The following ACIN1 variants were observed in gnomAD, a reference collection of about 807,000 sequenced individuals.
The protein encoded by ACIN1 is apoptotic chromatin condensation inducer in the nucleus.
In ACIN1, 16 loss-of-function variants were observed where a neutral mutation model predicts 146.6. The observed-to-expected ratio is 0.11, with a 90% CI of 0.07 to 0.17. ACIN1 has a LOEUF of 0.17. ACIN1 is among the 10% of genes least tolerant of loss of function. ACIN1 has a pLI of 1.00. For missense variants in ACIN1, 1,357 were observed against 1,609.3 expected, an observed-to-expected ratio of 0.84 and a Z score of 2.68; for synonymous variants, 569 against 582.7, an observed-to-expected ratio of 0.98 and a Z score of 0.34.
At chr14:23,062,066 C>A in intron 16 of ACIN1, 102 bp downstream of exon 16, 2 of 903,834 alleles carry the variant, frequency 2.2e-6, no homozygotes, top group South Asian at 2.9e-5. Flanking sequence ...GAGAAAAGAA[C>A]AGAAGCTCAG....
At position 23,067,802 on chromosome 14, in the gene ACIN1, C is replaced by G. The variant is rs1236939068; in HGVS notation, c.2265+1674G>C. 1 of 985,792 alleles carries G rather than the reference C, an allele frequency of 1.0e-6. No homozygotes were observed. The highest frequency in any genetic ancestry group is 1.2e-6 in the Non-Finnish European group (1 of 829,990). The allele number at this position is 985,792 out of a possible 1,614,324, so 61.1% of individuals were successfully genotyped here. The stretch of plus-strand genomic sequence containing the variant: ...GACTCCAGAGTCCCTTTCTCCTCTG[C>G]CTGTAACTGGGGAGGGGGTCCTCTC... On this transcript the variant is annotated intron_variant, in intron 9 of 18. Transcript: ENST00000605057. This position sits in a 1 kb window ranked among gnomAD's most constrained non-coding sequence, Gnocchi z 4.6.
intron 8 of ACIN1, chr14:23,071,637 G>A (rs1231554613): frequency 5.2e-6 from 6 of 1,164,398 alleles, no homozygotes; most frequent in Non-Finnish European, 7.2e-6. Context: ...AAGAGGGAGG[G>A]AGCTGAGTGA....
Position 23,065,949 on chromosome 14 carries a change from T to TC in ACIN1, c.2308+16_2308+17insG. 6.2e-7 allele frequency: 1 copy of TC among 1,611,664 alleles called. No individual in the cohort carries two copies. The highest frequency in any genetic ancestry group is 1.7e-4 in the Middle Eastern group (1 of 6,052). ...TGGTATTCCTGACTTTTATCAGGGATTTGGGGCTGGACTTACAGACAACGG... is the reference window on the plus strand; with the variant it reads ...TGGTATTCCTGACTTTTATCAGGGATCTTGGGGCTGGACTTACAGACAACGG... On this transcript the variant is annotated intron_variant, in intron 10 of 18. Transcript: ENST00000605057.
At chr14:23,060,263 C>T (rs1424348687) in intron 18 of ACIN1, among the ~76,000 whole-genome samples, 2 of 151,982 alleles carry the variant, frequency 1.3e-5, no homozygotes, top group African/African-American at 4.8e-5. Flanking sequence ...GCCACCATGC[C>T]TAGCCACCAA....
rs746609029 is a variant in ACIN1 at position 23,063,505 on chromosome 14, G to T, written c.2668C>A (p.Pro890Thr). 3 of 1,614,072 alleles carry T rather than the reference G, an allele frequency of 1.9e-6. No homozygotes were observed. In the African/African-American group the frequency reaches 4.0e-5, roughly 22 times the overall value. The change falls in exon 13 of 19, where the codon CCT (proline) becomes ACT (threonine). Residue 890 changes from proline to threonine, a missense_variant. Transcript: ENST00000605057. ...EEEEKEPEAEPPVPPQVSVEV... is the reference protein window; with the variant it reads ...EEEEKEPEAETPVPPQVSVEV... Reference sequence around the variant, plus strand: ...ACTGACACCTGGGGAGGTACAGGAGGTTCTGCTTCAGGTTCCTTCTCTTCT... The same window carrying T: ...ACTGACACCTGGGGAGGTACAGGAGTTTCTGCTTCAGGTTCCTTCTCTTCT...
At chr14:23,089,400 C>T (rs1273340346) in intron 4 of ACIN1, among the ~76,000 whole-genome samples, 1 of 152,132 alleles carries the variant, frequency 6.6e-6, no homozygotes, top group Non-Finnish European at 1.5e-5. Flanking sequence ...ATTAATCTTG[C>T]CTGAACCAAT....
In ACIN1 at chr14:23,059,361, C is replaced by T. The variant is rs770586050; in HGVS notation, c.3639G>A (p.Arg1213=). 1 of 1,612,790 alleles carries T rather than the reference C, an allele frequency of 6.2e-7. No homozygotes were observed. Among genetic ancestry groups the T allele is most frequent in the Non-Finnish European group, 8.5e-7 (1 of 1,178,858 alleles). Reference sequence around the variant, plus strand: ...GTTTCTCTCGCTCCAGCTGTCGGTTCCGTTCCCGCTCGGCTTCCTTCTCCC... The same window carrying T: ...GTTTCTCTCGCTCCAGCTGTCGGTTTCGTTCCCGCTCGGCTTCCTTCTCCC... ...KEREKEAERE[R]NRQLEREKRR... is the part of the protein sequence containing the mutation. Residue 1213 remains arginine, a synonymous_variant, in exon 19 of 19, where the codon CGG becomes CGA. Coordinates refer to ENST00000605057, the MANE Select transcript of ACIN1 (RefSeq NM_001386863.1).
chr14:23,095,603 T>A (rs2048357749), upstream of ACIN1: 1 of 355,182 alleles, frequency 2.8e-6, no homozygotes, highest in Non-Finnish European at 5.2e-6. Context: ...CGGGTGCCCT[T>A]CGAGAGAAAA....
In ACIN1 at chr14:23,067,511, G is replaced by GGGGGGGGGGCA; in HGVS notation, c.2266-1504_2266-1503insTGCCCCCCCCC. 1 of 221,640 alleles carries GGGGGGGGGGCA rather than the reference G, an allele frequency of 4.5e-6. No individual in the cohort carries two copies. Among genetic ancestry groups the GGGGGGGGGGCA allele is most frequent in the Non-Finnish European group, 7.3e-6 (1 of 137,180 alleles). The allele number at this position is 221,640 out of a possible 1,614,324, so 13.7% of individuals were successfully genotyped here. On this transcript the variant is annotated intron_variant, in intron 9 of 18. Transcript: ENST00000605057. This position sits in a 1 kb window ranked among gnomAD's most constrained non-coding sequence, Gnocchi z 4.6. ...CCAGGGGCGCAGGGGGGGCGGGAGG[G>GGGGGGGGGGCA]AAACGTGTGGGGGGACGCTGCCCAG...
At chr14:23,083,773 T>C (rs1468362832) in intron 4 of ACIN1, among the ~76,000 whole-genome samples, 2 of 152,166 alleles carry the variant, frequency 1.3e-5, no homozygotes, top group Non-Finnish European at 2.9e-5. Context: ...AATACTAACA[T>C]CAATGAGAAC....
intron 8 of ACIN1, among the ~76,000 whole-genome samples, chr14:23,072,240 G>C (rs139755034): frequency 6.6e-6 from 1 of 152,316 alleles, no homozygotes; most frequent in Non-Finnish European, 1.5e-5. Flanking sequence ...GGCAGGGTTG[G>C]TGTCTCTGAA....
chr14:23,080,092 A>T lies in ACIN1; in HGVS notation c.1243T>A (p.Leu415Met). 4 of 1,614,112 alleles carry T rather than the reference A, an allele frequency of 2.5e-6. No homozygotes were observed. The highest frequency in any genetic ancestry group is 2.5e-6 in the Non-Finnish European group (3 of 1,180,000). ...GACAAAGGAGACAGGCCTCCTACCA[A>T]CTGGACAGTATGCTGAGATACTAAT... ...ELLVSQHTVQ[L>M]VGGLSPLSSP... The change falls in exon 6 of 19, where the codon TTG (leucine) becomes ATG (methionine). Residue 415 changes from leucine (L) to methionine (M), a missense_variant. By Grantham distance (15) the Leu-to-Met change is conservative (BLOSUM62 2). Around this residue, in one of 4 missense-constraint regions of ACIN1, gnomAD observed 771 missense variants for 746.6 expected, o/e 1.03. Transcript: ENST00000605057.
intron 4 of ACIN1, among the ~76,000 whole-genome samples, chr14:23,084,966 T>G (rs2048049954): frequency 6.6e-6 from 1 of 152,162 alleles, no homozygotes; most frequent in African/African-American, 2.4e-5. Flanking sequence ...GCAAAGTTCC[T>G]TCACAAGTAT....
At chr14:23,062,741 C>A in intron 14 of ACIN1, 188 bp downstream of exon 14, 1 of 844,942 alleles carries the variant, frequency 1.2e-6, no homozygotes, top group South Asian at 1.8e-5. Flanking sequence ...TCAAAACAAC[C>A]CTGCAGGGCA....
At position 23,088,319 on chromosome 14, in the gene ACIN1, A is replaced by G. The variant is rs748123539; in HGVS notation, c.436+1663T>C. Among the ~76,000 whole-genome samples the G allele has an allele frequency of 2.4e-4, 36 of 152,206 alleles. 1 individual carries two copies. Among genetic ancestry groups the G allele is most frequent in the Non-Finnish European group, 8.8e-5 (6 of 68,034 alleles). ...GAGAAAAGAGGTCCCTAAGGAACTT[A>G]ATAATTCCAAAGTATTGGCCAGTAT... is the stretch of plus-strand genomic sequence containing the variant. On this transcript the variant is annotated intron_variant, in intron 4 of 18. Coordinates refer to ENST00000605057, the MANE Select transcript of ACIN1 (RefSeq NM_001386863.1).
intron 7 of ACIN1, 108 bp from the exon 8 acceptor site, chr14:23,078,374 G>T: frequency 3.8e-6 from 3 of 785,592 alleles, no homozygotes; most frequent in Non-Finnish European, 6.2e-6. Context: ...CACAGTACCA[G>T]CTCCACACAC....
At chr14:23,093,637 G>C (rs1208457548) in intron 1 of ACIN1, 93 bp from the exon 2 acceptor site, 2 of 1,029,088 alleles carry the variant, frequency 1.9e-6, no homozygotes, top group East Asian at 2.5e-5. Context: ...TAAACGCAAT[G>C]ACTTAAATAC....
Position 23,080,671 on chromosome 14 carries a change from C to T in ACIN1, c.664G>A (p.Glu222Lys), listed in dbSNP as rs772585883. The change falls in exon 6 of 19, where the codon GAA becomes AAA. Residue 222 changes from glutamate (E) to lysine (K), a missense_variant. Physicochemically the swap from Glu to Lys is moderately conservative, Grantham distance 56. Coordinates refer to ENST00000605057, the MANE Select transcript of ACIN1 (RefSeq NM_001386863.1). ...EEEEEEEEEE[E>K]EDDEEEEGDD... is the part of the protein sequence containing the mutation. ...CCTTCCTCTTCTTCATCATCTTCTTCCTCCTCCTCCTCCTCCTCTTCTTCC... is the reference window on the plus strand; with the variant it reads ...CCTTCCTCTTCTTCATCATCTTCTTTCTCCTCCTCCTCCTCCTCTTCTTCC... 7.1e-7 allele frequency: 1 copy of T among 1,410,750 alleles called. No homozygotes were observed. The allele number at this position is 1,410,750 out of a possible 1,614,324, so 87.4% of individuals were successfully genotyped here. A position where few individuals can be genotyped will look rare whatever the true frequency, so the allele number is the denominator to read the frequency against.
chr14:23,061,536 T>C lies in ACIN1; in HGVS notation c.3186A>G (p.Pro1062=), dbSNP rs1289031703. The change falls in exon 17 of 19, where the codon CCA becomes CCG. Residue 1062 remains proline (P), a synonymous_variant. Coordinates refer to ENST00000605057, the MANE Select transcript of ACIN1 (RefSeq NM_001386863.1). ...GTGGTGGCTGGACCGGGGGTGGGGG[T>C]GGGGGGTGCAGGGGCCGTGGTATTC... ...EQGIPRPLHP[P]PPPPVQPPQH... is the part of the protein sequence containing the mutation. 8.4e-6 allele frequency: 2 copies of C among 238,104 alleles called. No individual in the cohort carries two copies. Among genetic ancestry groups the C allele is most frequent in the Admixed American group, 5.8e-5 (1 of 17,302 alleles). 14.7% of individuals were successfully genotyped at this position (238,104 alleles called of 1,614,324 possible).
Sources: allele counts gnomAD v4.1 joint callset (sites outside exome capture counted in the v4.1 genomes callset), GRCh38; gene constraint gnomAD v4.1.1; regional missense constraint gnomAD v4.1.1; non-coding constraint Gnocchi (gnomAD v3.1); transcripts MANE v1.5; gene names NCBI Gene and HGNC (gene_info 2026-07-23, HGNC 2026-07-21).